C1orf105: variants seen among roughly 807,000 people sequenced by gnomAD.
C1orf105 encodes the protein chromosome 1 open reading frame 105.
In C1orf105, 17 loss-of-function variants were observed where a neutral mutation model predicts 20.8. The ratio of observed to expected loss-of-function variants is 0.82; its 90% CI spans 0.56 to 1.23. The LOEUF (loss-of-function observed/expected upper bound fraction) is 1.23, where lower values mean the gene tolerates loss of function less well. Ranked by LOEUF, C1orf105 falls within the 50% of genes most tolerant of loss-of-function variation. The pLI, the probability that C1orf105 is intolerant of heterozygous loss-of-function variation, is 0.00. For synonymous variants in C1orf105, 72 were observed against 72.1 expected (o/e 1.00, Z 0.01); for missense variants, 219 against 213.5 (o/e 1.03, Z -0.16).
At chr1:172,438,178 C>T (rs1327272499) in intron 1 of C1orf105, among the ~76,000 whole-genome samples, 10 of 152,074 alleles carry the variant, frequency 6.6e-5, no homozygotes, top group Admixed American at 5.2e-4. Flanking sequence ...AATTTGTTTC[C>T]ATGCCTGCTA....
rs759283926 is a variant in C1orf105 at position 172,431,061 on chromosome 1, A to G, written c.21+10155A>G. The G allele has an allele frequency of 1.4e-4, 92 of 657,032 alleles. 1 individual carries two copies. Among genetic ancestry groups the G allele is most frequent in the South Asian group, 1.3e-3 (77 of 57,662 alleles). 40.7% of individuals were successfully genotyped at this position (657,032 alleles called of 1,614,324 possible). A position where few individuals can be genotyped will look rare whatever the true frequency, so the allele number is the denominator to read the frequency against. Reference sequence around the variant, plus strand: ...TTTCTTCCTCTTCTTGGGCCTCCCTATTTCCTGAGACACAACAGTATCAAA... The same window carrying G: ...TTTCTTCCTCTTCTTGGGCCTCCCTGTTTCCTGAGACACAACAGTATCAAA... On this transcript the variant is annotated intron_variant, in intron 1 of 6. Transcript: ENST00000367727.
At chr1:172,465,725 T>A (rs759616513) in intron 6 of C1orf105, 1 of 465,964 alleles carries the variant, frequency 2.1e-6, no homozygotes, top group Non-Finnish European at 4.3e-6. Flanking sequence ...ACTGCATCTC[T>A]ATACCCTCAG....
At chr1:172,442,143 A>T in intron 1 of C1orf105, 1 of 1,614,192 alleles carries the variant, frequency 6.2e-7, no homozygotes, top group Non-Finnish European at 8.5e-7. Context: ...AAAAGATGAG[A>T]TGGCCTAACA....
At chr1:172,465,945 G>T (rs1437467878) in intron 6 of C1orf105, among the ~76,000 whole-genome samples, 1 of 152,178 alleles carries the variant, frequency 6.6e-6, no homozygotes, top group Non-Finnish European at 1.5e-5. Context: ...CCATTATTTG[G>T]GGTAATATAA....
intron 1 of C1orf105, among the ~76,000 whole-genome samples, chr1:172,424,139 C>T (rs1417818094): frequency 6.6e-6 from 1 of 152,284 alleles, no homozygotes; most frequent in East Asian, 1.9e-4. Context: ...TACATTATGT[C>T]ACATCCCAAT....
At chr1:172,420,968 T>C in intron 1 of C1orf105, 62 bp downstream of exon 1, 1 of 1,483,814 alleles carries the variant, frequency 6.7e-7, no homozygotes, top group East Asian at 2.3e-5. Context: ...GGTAAATGTT[T>C]GTATGCCTTG....
At chr1:172,436,981 G>GA (rs1372554059) in intron 1 of C1orf105, among the ~76,000 whole-genome samples, 1 of 152,194 alleles carries the variant, frequency 6.6e-6, no homozygotes, top group East Asian at 1.9e-4. Context: ...ACAGACACAT[G>GA]AAAAAATGCT....
intron 6 of C1orf105, 106 bp from the exon 7 acceptor site, chr1:172,468,343 T>C (rs1368484936): frequency 2.4e-6 from 2 of 847,170 alleles, no homozygotes; most frequent in Non-Finnish European, 1.7e-6. Context: ...TAAATCTGTT[T>C]TATAAGGTTG....
At chr1:172,456,344 C>A in intron 3 of C1orf105, 71 bp from the exon 4 acceptor site, 1 of 1,345,256 alleles carries the variant, frequency 7.4e-7, no homozygotes, top group Non-Finnish European at 1.1e-6. Flanking sequence ...CCCTCCACTG[C>A]TTTCCTACAT....
chr1:172,460,420 T>A (rs954306997), intron 4 of C1orf105, among the ~76,000 whole-genome samples: 1 of 152,148 alleles, frequency 6.6e-6, no homozygotes, highest in African/African-American at 2.4e-5. Flanking sequence ...TGTTTCATCA[T>A]GTCTCTGCTC....
intron 1 of C1orf105, 70 bp downstream of exon 1, chr1:172,420,976 T>A: frequency 7.1e-7 from 1 of 1,402,380 alleles, no homozygotes; most frequent in Non-Finnish European, 9.9e-7. Flanking sequence ...TTTGTATGCC[T>A]TGGAGGCCAC....
intron 1 of C1orf105, among the ~76,000 whole-genome samples, chr1:172,423,598 C>T (rs1335273369): frequency 2.6e-5 from 4 of 151,586 alleles, no homozygotes; most frequent in Non-Finnish European, 5.9e-5. Flanking sequence ...GAAAACATGC[C>T]CTTACCAAAC....
chr1:172,450,915 G>C (rs1022025453), intron 3 of C1orf105: 5 of 152,258 alleles, frequency 3.3e-5, no homozygotes, highest in African/African-American at 1.2e-4. Context: ...AAAGAAGAAA[G>C]ATTTTTAGTG....
At chr1:172,456,370 T>G (rs1340140467) in intron 3 of C1orf105, 45 bp from the exon 4 acceptor site, 1 of 1,537,246 alleles carries the variant, frequency 6.5e-7, no homozygotes, top group Non-Finnish European at 9.0e-7. Context: ...CTGCCCTACA[T>G]GCCCCACCAT....
rs538322854 is a variant in C1orf105, at chr1:172,466,840, G to A, written c.406+1477G>A. ...ATCCTAGAACAGTAATCTTAGAGGT[G>A]GGACTACAGGGGGAATAGTTGTAAA... is the stretch of plus-strand genomic sequence containing the variant. On this transcript the variant is annotated intron_variant, in intron 6 of 6. Coordinates refer to ENST00000367727, the MANE Select transcript of C1orf105 (RefSeq NM_139240.4). Among the ~76,000 whole-genome samples, 3 of 152,246 alleles carry A rather than the reference G, an allele frequency of 2.0e-5. No homozygotes were observed. The East Asian group carries it at 5.8e-4, about 29-fold the overall frequency.
At chr1:172,439,646 A>C (rs146128530) in intron 1 of C1orf105, among the ~76,000 whole-genome samples, 52 of 152,298 alleles carry the variant, frequency 3.4e-4, no homozygotes, top group African/African-American at 1.2e-3. Context: ...TTGTCATCCC[A>C]CCAAGAAACT....
intron 6 of C1orf105, among the ~76,000 whole-genome samples, chr1:172,466,087 T>C (rs1650032857): frequency 6.6e-6 from 1 of 152,244 alleles, no homozygotes; most frequent in African/African-American, 2.4e-5. Context: ...TCAGGATAAC[T>C]TTCCTCACTC....
At chr1:172,456,579 C>G in intron 4 of C1orf105, 90 bp downstream of exon 4, 1 of 1,294,504 alleles carries the variant, frequency 7.7e-7, no homozygotes, top group South Asian at 1.2e-5. Context: ...GAGATAGTGA[C>G]GGGGCCCGTT....
chr1:172,453,369 T>C (rs1363153571), intron 3 of C1orf105, among the ~76,000 whole-genome samples: 3 of 152,252 alleles, frequency 2.0e-5, no homozygotes, highest in African/African-American at 7.2e-5. Context: ...GAGCCAGGAC[T>C]GGAACAGAGC....
Sources: gnomAD v4.1 joint callset for allele counts (sites outside exome capture counted in the v4.1 genomes callset) on GRCh38, gnomAD v4.1.1 for gene constraint, MANE v1.5 for transcripts, NCBI Gene and HGNC (gene_info 2026-07-23, HGNC 2026-07-21) for gene names.